The following GRIK2 variants were observed in gnomAD, a reference collection of about 807,000 sequenced individuals.
GRIK2 encodes the protein glutamate ionotropic receptor kainate type subunit 2, also known as glutamate receptor ionotropic, kainate 2.
In GRIK2, 32 loss-of-function variants were observed where a neutral mutation model predicts 100.3. That is an observed-to-expected ratio of 0.32 (90% CI 0.24 to 0.43). GRIK2 has a LOEUF of 0.43. GRIK2 is among the 20% of genes least tolerant of loss of function. GRIK2 has a pLI of 1.00. For synonymous variants in GRIK2, 417 were observed against 389.4 expected, an observed-to-expected ratio of 1.07 and a Z score of -0.83; for missense variants, 843 against 1,114.9, an observed-to-expected ratio of 0.76 and a Z score of 3.47.
intron 2 of GRIK2, among the ~76,000 whole-genome samples, chr6:101,438,797 A>C (rs1769882508): frequency 6.6e-6 from 1 of 152,140 alleles, no homozygotes; most frequent in Admixed American, 6.6e-5. Flanking sequence ...TGGGGGATTT[A>C]AGAGCCATTG....
chr6:101,619,955 G>T (rs1780070395), intron 2 of GRIK2, among the ~76,000 whole-genome samples: 1 of 152,108 alleles, frequency 6.6e-6, no homozygotes, highest in Non-Finnish European at 1.5e-5. Flanking sequence ...ATTTTGGATG[G>T]CTTTGAAGGT....
At chr6:101,413,512 A>G (rs1027515885) in intron 2 of GRIK2, among the ~76,000 whole-genome samples, 7 of 152,132 alleles carry the variant, frequency 4.6e-5, no homozygotes, top group Non-Finnish European at 1.0e-4. Flanking sequence ...TGAAAAAGCA[A>G]GATATAATTA....
chr6:101,426,052 A>G (rs1044652636), intron 2 of GRIK2, among the ~76,000 whole-genome samples: 3 of 152,154 alleles, frequency 2.0e-5, no homozygotes, highest in African/African-American at 4.8e-5. Context: ...ACCCACATCT[A>G]TTGAGAGGTG....
chr6:101,961,414 A>G (rs1053981408), intron 14 of GRIK2, among the ~76,000 whole-genome samples: 4 of 151,978 alleles, frequency 2.6e-5, no homozygotes, highest in Non-Finnish European at 5.9e-5. Context: ...ACTCCTCCTA[A>G]TAGTCCTATA....
chr6:101,797,431 A>G (rs1174327616), intron 7 of GRIK2, among the ~76,000 whole-genome samples: 3 of 151,360 alleles, frequency 2.0e-5, no homozygotes, highest in Non-Finnish European at 2.9e-5. Context: ...ACTTTTCCCA[A>G]CCTTGGTTTT....
intron 15 of GRIK2, among the ~76,000 whole-genome samples, chr6:102,041,215 T>C (rs180913123): frequency 1.1e-4 from 17 of 151,794 alleles, no homozygotes; most frequent in Non-Finnish European, 8.9e-5. Context: ...GTGATTAATA[T>C]TGTAAATGTT....
At chr6:101,659,865 G>T (rs545899596) in intron 4 of GRIK2, among the ~76,000 whole-genome samples, 25 of 152,198 alleles carry the variant, frequency 1.6e-4, no homozygotes, top group Admixed American at 1.3e-3. Context: ...GCTTTCCTTT[G>T]TGGGTAACCA....
intron 10 of GRIK2, among the ~76,000 whole-genome samples, chr6:101,837,771 A>G (rs989620864): frequency 3.9e-5 from 6 of 152,202 alleles, no homozygotes; most frequent in Admixed American, 1.3e-4. Flanking sequence ...TACTTGGTAC[A>G]GATTATGGAC....
At chr6:101,425,738 T>TA (rs1363937291) in intron 2 of GRIK2, among the ~76,000 whole-genome samples, 1 of 152,184 alleles carries the variant, frequency 6.6e-6, no homozygotes, top group Non-Finnish European at 1.5e-5. Context: ...CCTAGACCTT[T>TA]AAAATCTAAA....
intron 2 of GRIK2, among the ~76,000 whole-genome samples, chr6:101,604,557 C>T (rs139305987): frequency 3.2e-4 from 49 of 151,798 alleles, no homozygotes; most frequent in African/African-American, 1.2e-3. Flanking sequence ...GAAGAATAGC[C>T]ATTTTCCAAA....
intron 14 of GRIK2, among the ~76,000 whole-genome samples, chr6:101,957,616 C>T (rs1302875714): frequency 1.3e-5 from 2 of 151,832 alleles, no homozygotes; most frequent in African/African-American, 4.8e-5. Flanking sequence ...GGCCAATGTC[C>T]AGAAGACATT....
chr6:101,816,616 G>A (rs981814268), intron 9 of GRIK2, among the ~76,000 whole-genome samples: 3 of 152,084 alleles, frequency 2.0e-5, no homozygotes, highest in Admixed American at 6.6e-5. Flanking sequence ...GCTTGAACCC[G>A]GGAGGCAGAG....
Position 101,621,939 on chromosome 6 carries a change from T to A in GRIK2, c.116-10T>A, listed in dbSNP as rs1257533599. On this transcript the variant is annotated splice_polypyrimidine_tract_variant and intron_variant, in intron 2 of 16. Coordinates refer to ENST00000369134, the MANE Select transcript of GRIK2 (RefSeq NM_021956.5). ...GTAAAATTTATGATTTTTCTCTTTC[T>A]TTTTGCCAGGTGGTATTTTTGAATA... is the stretch of plus-strand genomic sequence containing the variant. 6.3e-7 allele frequency: 1 copy of A among 1,581,668 alleles called. No individual in the cohort carries two copies. The highest frequency in any genetic ancestry group is 1.1e-5 in the South Asian group (1 of 89,788).
chr6:101,522,828 T>G (rs1458188041), intron 2 of GRIK2, among the ~76,000 whole-genome samples: 1 of 151,980 alleles, frequency 6.6e-6, no homozygotes, highest in Non-Finnish European at 1.5e-5. Context: ...CCATGACTTC[T>G]GTGACTACAT....
At chr6:101,723,966 G>C (rs9377293) in intron 7 of GRIK2, among the ~76,000 whole-genome samples, 31,622 of 151,028 alleles carry the variant, frequency 0.21, 4,041 homozygotes, top group East Asian at 0.44. Flanking sequence ...TGTATAACCA[G>C]TGGTATATTT....
intron 2 of GRIK2, among the ~76,000 whole-genome samples, chr6:101,580,483 G>A (rs1488539472): frequency 6.6e-6 from 1 of 151,954 alleles, no homozygotes; most frequent in South Asian, 2.1e-4. Flanking sequence ...CCTACTCTAA[G>A]CCACTATTAT....
At chr6:101,927,019 C>T (rs918276127) in intron 13 of GRIK2, among the ~76,000 whole-genome samples, 1 of 151,950 alleles carries the variant, frequency 6.6e-6, no homozygotes, top group African/African-American at 2.4e-5. Flanking sequence ...TTTCAGTGTC[C>T]GAGTGTGTGT....
intron 11 of GRIK2, among the ~76,000 whole-genome samples, chr6:101,867,016 A>G (rs2128446514): frequency 6.6e-6 from 1 of 151,950 alleles, no homozygotes; most frequent in Middle Eastern, 3.4e-3. Context: ...GATTTGTTGG[A>G]AAAATTCTTT....
intron 7 of GRIK2, among the ~76,000 whole-genome samples, chr6:101,798,419 A>C (rs1050618602): frequency 1.3e-5 from 2 of 152,244 alleles, no homozygotes; most frequent in East Asian, 3.9e-4. Flanking sequence ...AATAGTCAGT[A>C]GAATTTATAA....
Sources: allele counts gnomAD v4.1 joint callset (sites outside exome capture counted in the v4.1 genomes callset), GRCh38; gene constraint gnomAD v4.1.1; transcripts MANE v1.5; gene names NCBI Gene and HGNC (gene_info 2026-07-23, HGNC 2026-07-21).